CDH13: variants seen among roughly 807,000 people sequenced by gnomAD.
The protein encoded by CDH13 is cadherin-13.
Under a neutral mutation model 63.8 loss-of-function variants are expected in CDH13, and 24 were observed. The ratio of observed to expected loss-of-function variants is 0.38; its 90% CI spans 0.27 to 0.53. CDH13 has a LOEUF of 0.53. Ranked by LOEUF, CDH13 falls within the 20% of genes least tolerant of loss-of-function variation. The pLI, the probability that CDH13 is intolerant of heterozygous loss-of-function variation, is 0.85. For missense variants in CDH13, 1,049 were observed against 903.1 expected (o/e 1.16, Z -2.07); for synonymous variants, 503 against 355.3 (o/e 1.42, Z -4.67).
chr16:83,032,426 G>A (rs1916450623), intron 3 of CDH13: 1 of 559,572 alleles, frequency 1.8e-6, no homozygotes. Flanking sequence ...ATAGTTCGTG[G>A]ATTAATTCAT....
intron 1 of CDH13, among the ~76,000 whole-genome samples, chr16:82,791,055 G>A (rs997676875): frequency 6.6e-6 from 1 of 152,166 alleles, no homozygotes; most frequent in Non-Finnish European, 1.5e-5. Flanking sequence ...GGCTAACACA[G>A]TGAAATTCCG....
chr16:83,775,307 C>T (rs555783970), intron 11 of CDH13, among the ~76,000 whole-genome samples: 14 of 151,810 alleles, frequency 9.2e-5, no homozygotes, highest in East Asian at 5.9e-4. Context: ...AATGCAGGTG[C>T]GTTTCTCTGG....
chr16:82,641,993 T>G (rs925161685), intron 1 of CDH13, among the ~76,000 whole-genome samples: 1 of 151,966 alleles, frequency 6.6e-6, no homozygotes, highest in Non-Finnish European at 1.5e-5. Context: ...GAGAGATTAT[T>G]TTCATCTGCT....
chr16:82,753,129 C>T (rs564134107), intron 1 of CDH13, among the ~76,000 whole-genome samples: 1 of 152,234 alleles, frequency 6.6e-6, no homozygotes, highest in East Asian at 1.9e-4. Flanking sequence ...CGTGTCAGCT[C>T]CTACTTATTA....
intron 5 of CDH13, among the ~76,000 whole-genome samples, chr16:83,336,094 A>C (rs1597780455): frequency 6.6e-6 from 1 of 152,014 alleles, no homozygotes; most frequent in Non-Finnish European, 1.5e-5. Flanking sequence ...TGAGGTCAGG[A>C]GTTCGAGACC....
intron 5 of CDH13, among the ~76,000 whole-genome samples, chr16:83,233,709 C>A (rs1879794155): frequency 6.6e-6 from 1 of 152,224 alleles, no homozygotes; most frequent in Non-Finnish European, 1.5e-5. Flanking sequence ...AGCCCTCTTT[C>A]CTTTATAAGG....
At chr16:83,236,719 C>G (rs781651807) in intron 5 of CDH13, among the ~76,000 whole-genome samples, 2 of 151,802 alleles carry the variant, frequency 1.3e-5, no homozygotes, top group African/African-American at 2.4e-5. Flanking sequence ...AATGGATAAA[C>G]AAATTGTGAT....
At chr16:83,248,510 C>T (rs925496724) in intron 5 of CDH13, among the ~76,000 whole-genome samples, 4 of 152,138 alleles carry the variant, frequency 2.6e-5, no homozygotes, top group Admixed American at 6.5e-5. Context: ...GAAAGTCAGG[C>T]TCAAGGGTCA....
intron 7 of CDH13, among the ~76,000 whole-genome samples, chr16:83,489,596 A>C (rs137940611): frequency 1.1e-4 from 16 of 152,332 alleles, no homozygotes; most frequent in African/African-American, 3.6e-4. Flanking sequence ...AAAAACTTGC[A>C]CATCAGATGT....
intron 2 of CDH13, among the ~76,000 whole-genome samples, chr16:82,974,350 A>G (rs1489463610): frequency 2.6e-5 from 4 of 152,114 alleles, no homozygotes; most frequent in Non-Finnish European, 5.9e-5. Context: ...CATTGTCTCC[A>G]TGTAGAATGC....
intron 6 of CDH13, among the ~76,000 whole-genome samples, chr16:83,359,434 G>T (rs74034187): frequency 5.5e-4 from 83 of 152,276 alleles, no homozygotes; most frequent in African/African-American, 1.8e-3. Flanking sequence ...CTTCTTTTCA[G>T]TGGTGCTAGT....
chr16:82,929,453 T>C (rs1326170598), intron 2 of CDH13, among the ~76,000 whole-genome samples: 1 of 151,308 alleles, frequency 6.6e-6, no homozygotes, highest in Admixed American at 6.6e-5. Context: ...CCATCCTGGC[T>C]AGATGGTCTA....
At chr16:83,012,014 A>G (rs1430514166) in intron 2 of CDH13, among the ~76,000 whole-genome samples, 1 of 152,062 alleles carries the variant, frequency 6.6e-6, no homozygotes, top group Non-Finnish European at 1.5e-5. Flanking sequence ...CTAGATTTTA[A>G]TTTTACGCCC....
At chr16:82,864,294 A>G (rs561008551) in intron 2 of CDH13, among the ~76,000 whole-genome samples, 1 of 152,228 alleles carries the variant, frequency 6.6e-6, no homozygotes, top group Non-Finnish European at 1.5e-5. Context: ...GTGTTTCTAG[A>G]TAATGTGACA....
At chr16:83,134,544 G>GGAGAGAGAGAGAGAGA (rs67135267) in intron 4 of CDH13, among the ~76,000 whole-genome samples, 25 of 84,344 alleles carry the variant, frequency 3.0e-4, no homozygotes, top group Non-Finnish European at 3.8e-4. Context: ...TGGGGTGGGG[G>GGAGAGAGAGAGAGAGA]GAGAGAGAGA....
chr16:82,688,439 T>C (rs1012564333), intron 1 of CDH13, among the ~76,000 whole-genome samples: 1 of 152,196 alleles, frequency 6.6e-6, no homozygotes, highest in Non-Finnish European at 1.5e-5. Context: ...ATAATGAAGC[T>C]CACAAGTTCA....
chr16:83,631,705 G>T (rs960448949), intron 8 of CDH13, among the ~76,000 whole-genome samples: 1 of 152,088 alleles, frequency 6.6e-6, no homozygotes, highest in African/African-American at 2.4e-5. Context: ...AAATGTTGAT[G>T]AGGGGAGCCA....
At chr16:83,042,057 A>C (rs570662737) in intron 3 of CDH13, among the ~76,000 whole-genome samples, 2 of 152,308 alleles carry the variant, frequency 1.3e-5, no homozygotes, top group Admixed American at 6.5e-5. Context: ...CTCTGAGCCA[A>C]CTGTTTGAAT....
intron 4 of CDH13, among the ~76,000 whole-genome samples, chr16:83,142,796 C>T (rs760229244): frequency 6.6e-6 from 1 of 152,112 alleles, no homozygotes; most frequent in African/African-American, 2.4e-5. Context: ...AGTGGTCTCT[C>T]TACAAGGTGA....
Sources: allele counts gnomAD v4.1 joint callset (sites outside exome capture counted in the v4.1 genomes callset), GRCh38; gene constraint gnomAD v4.1.1; transcripts MANE v1.5; gene names NCBI Gene and HGNC (gene_info 2026-07-23, HGNC 2026-07-21).